The following PNPLA7 variants were observed in gnomAD, a reference collection of about 807,000 sequenced individuals.
PNPLA7 encodes the protein patatin like domain 7, lysophospholipase.
In PNPLA7, 153 loss-of-function variants were observed where a neutral mutation model predicts 161.7. That is an observed-to-expected ratio of 0.95 (90% CI 0.83 to 1.08). The LOEUF (loss-of-function observed/expected upper bound fraction) is 1.08. Among genes scored for constraint, PNPLA7 ranks in the 50% least tolerant of loss-of-function variants. The probability of loss-of-function intolerance (pLI) is 0.00; values close to 1 mark genes in which losing one functional copy is unlikely to be tolerated. For synonymous variants in PNPLA7, 809 were observed against 782.1 expected, an observed-to-expected ratio of 1.03 and a Z score of -0.57; for missense variants, 1,739 against 1,856.6, an observed-to-expected ratio of 0.94 and a Z score of 1.16.
intron 22 of PNPLA7, 186 bp from the exon 23 acceptor site, chr9:137,480,666 G>A: frequency 1.3e-6 from 1 of 762,580 alleles, no homozygotes; most frequent in South Asian, 1.9e-5. Context: ...CGCAGAGGCT[G>A]CAGTTAAGCC....
intron 20 of PNPLA7, among the ~76,000 whole-genome samples, chr9:137,485,156 G>GC (rs1442771957): frequency 2.0e-5 from 3 of 152,248 alleles, no homozygotes; most frequent in South Asian, 4.1e-4. Flanking sequence ...GCGTCCCCAG[G>GC]CCCCACACAG....
Position 137,547,791 on chromosome 9 carries a change from C to G in PNPLA7, c.31-132G>C, listed in dbSNP as rs1836621317. On this transcript the variant is annotated intron_variant, in intron 1 of 34. Coordinates refer to ENST00000406427, the MANE Select transcript of PNPLA7 (RefSeq NM_001098537.3). The surrounding 1 kb of genome is among the most constrained non-coding windows in gnomAD (Gnocchi z 4.6). ...CTGGAGACTTCTGGGAAGAAGTGATCTCGCCCGGGGTGCCGGGGTCCTCTG... is the reference window on the plus strand; with the variant it reads ...CTGGAGACTTCTGGGAAGAAGTGATGTCGCCCGGGGTGCCGGGGTCCTCTG... 1 of 876,338 alleles carries G rather than the reference C, an allele frequency of 1.1e-6. No individual in the cohort carries two copies. The highest frequency in any genetic ancestry group is 1.5e-5 in the South Asian group (1 of 65,964). 54.3% of individuals were successfully genotyped at this position (876,338 alleles called of 1,614,324 possible).
rs1434059234 is a variant in PNPLA7, at chr9:137,490,843, T to C, written c.2197+2170A>G. On this transcript the variant is annotated intron_variant, in intron 20 of 34. Coordinates refer to ENST00000406427, the MANE Select transcript of PNPLA7 (RefSeq NM_001098537.3). This position sits in a 1 kb window ranked among gnomAD's most constrained non-coding sequence, Gnocchi z 4.1. ...AGTTGTAGCCCTGTGTTTTTGGGGC[T>C]ACAGTTTGACAAAATTACAGAGGTA... is the stretch of plus-strand genomic sequence containing the variant. Among the ~76,000 whole-genome samples the C allele has an allele frequency of 6.6e-6, 1 of 152,188 alleles. No individual in the cohort carries two copies. The highest frequency in any genetic ancestry group is 1.5e-5 in the Non-Finnish European group (1 of 68,030).
At chr9:137,502,559 A>C (rs1391336816) in intron 14 of PNPLA7, among the ~76,000 whole-genome samples, 1 of 144,134 alleles carries the variant, frequency 6.9e-6, no homozygotes, top group Non-Finnish European at 1.5e-5. Flanking sequence ...CCGCTGACGG[A>C]GAGGCCGCAT....
intron 8 of PNPLA7, among the ~76,000 whole-genome samples, chr9:137,528,830 A>AGCTG (rs1835431782): frequency 6.7e-6 from 1 of 149,966 alleles, no homozygotes; most frequent in African/African-American, 2.5e-5. Context: ...CCTCCACAGT[A>AGCTG]GCTGGGACTA....
rs1211910591 is a variant in PNPLA7, at chr9:137,486,539, A to C, written c.2198-1803T>G. On this transcript the variant is annotated intron_variant, in intron 20 of 34. Coordinates refer to ENST00000406427, the MANE Select transcript of PNPLA7 (RefSeq NM_001098537.3). The surrounding 1 kb of genome is among the most constrained non-coding windows in gnomAD (Gnocchi z 6.0). The stretch of plus-strand genomic sequence containing the variant: ...GTATGCAGGCAGAAACAGATAAATG[A>C]TGCTGCCCATCCCACATCCCGAATG... Among the ~76,000 whole-genome samples the C allele has an allele frequency of 3.3e-5, 5 of 152,112 alleles. No homozygotes were observed. The highest frequency in any genetic ancestry group is 7.4e-5 in the Non-Finnish European group (5 of 68,010).
chr9:137,508,394 C>T (rs181571115), intron 12 of PNPLA7, among the ~76,000 whole-genome samples: 6 of 150,818 alleles, frequency 4.0e-5, no homozygotes, highest in Admixed American at 6.6e-5. Flanking sequence ...GGTGAAACCC[C>T]GTCTCTACTA....
intron 25 of PNPLA7, among the ~76,000 whole-genome samples, chr9:137,469,428 A>G (rs934923457): frequency 2.6e-5 from 4 of 152,270 alleles, no homozygotes; most frequent in African/African-American, 9.6e-5. Context: ...GACAGACATC[A>G]GGCCTCAGAA....
At chr9:137,497,882 G>A (rs4962234) in intron 17 of PNPLA7, among the ~76,000 whole-genome samples, 68,601 of 151,824 alleles carry the variant, frequency 0.45, 16,481 homozygotes, top group East Asian at 0.65. Flanking sequence ...ACGGAGAGAT[G>A]CTCATAGAAC....
chr9:137,467,120 C>CTA lies in PNPLA7; in HGVS notation c.3039+196_3039+197insTA, dbSNP rs1831514180. 2.6e-5 allele frequency among the ~76,000 whole-genome samples: 4 copies of CTA among 152,260 alleles called. No homozygotes were observed. The highest frequency in any genetic ancestry group is 4.4e-5 in the Non-Finnish European group (3 of 68,052). ...ACCTGGGCACAGATCAGACCGCCTCCCACCACCAACCTGCATCTGTGCCTT... is the reference window on the plus strand; with the variant it reads ...ACCTGGGCACAGATCAGACCGCCTCCTACACCACCAACCTGCATCTGTGCCTT... On this transcript the variant is annotated intron_variant, in intron 26 of 34. Transcript: ENST00000406427. The surrounding 1 kb of genome is among the most constrained non-coding windows in gnomAD (Gnocchi z 5.1).
chr9:137,480,353 G>C lies in PNPLA7; in HGVS notation c.2539C>G (p.Leu847Val). Residue 847 changes from leucine (L) to valine (V), a missense_variant, in exon 23 of 35, where the codon CTC becomes GTC. By Grantham distance (32) the Leu-to-Val change is conservative. Around this residue, in one of 6 missense-constraint regions of PNPLA7, gnomAD observed 192 missense variants for 249.5 expected, o/e 0.77. Coordinates refer to ENST00000406427, the MANE Select transcript of PNPLA7 (RefSeq NM_001098537.3). ...QRCVRQADCI[L>V]IVGLGDQEPT... Reference sequence around the variant, plus strand: ...TCCTGGTCACCCAGGCCCACGATGAGGATGCAGTCGGCCTGGCGCACGCAG... The same window carrying C: ...TCCTGGTCACCCAGGCCCACGATGACGATGCAGTCGGCCTGGCGCACGCAG... 1 of 1,613,452 alleles carries C rather than the reference G, an allele frequency of 6.2e-7. No homozygotes were observed. Among genetic ancestry groups the C allele is most frequent in the Non-Finnish European group, 8.5e-7 (1 of 1,179,954 alleles).
At chr9:137,521,780 C>T in intron 9 of PNPLA7, 64 bp from the exon 10 acceptor site, 4 of 1,436,528 alleles carry the variant, frequency 2.8e-6, no homozygotes, top group African/African-American at 1.4e-5. Flanking sequence ...CCCCCGGCAG[C>T]ACCACACAGA....
rs1836265762 is a variant in PNPLA7, at chr9:137,542,618, C to A, written c.666+24G>T. ...GAGGTAAATGCGCAGCCGCCTGACC[C>A]CGCCCCGCCGCCCTGCGACTCACAG... On this transcript the variant is annotated intron_variant, in intron 7 of 34. Coordinates refer to ENST00000406427, the MANE Select transcript of PNPLA7 (RefSeq NM_001098537.3). The A allele has an allele frequency of 2.6e-6, 4 of 1,558,880 alleles. No homozygotes were observed. The South Asian group carries it at 4.6e-5, about 18-fold the overall frequency.
In PNPLA7 at chr9:137,500,278, T is replaced by C. The variant is rs939044529; in HGVS notation, c.1757+413A>G. On this transcript the variant is annotated intron_variant, in intron 16 of 34. Transcript: ENST00000406427. This position sits in a 1 kb window ranked among gnomAD's most constrained non-coding sequence, Gnocchi z 5.5. ...CCTTGCCCTTCCACCTCCGCATCACTGGCTCCCGACACGTCAGCCCAGGCT... is the reference window on the plus strand; with the variant it reads ...CCTTGCCCTTCCACCTCCGCATCACCGGCTCCCGACACGTCAGCCCAGGCT... 2.6e-5 allele frequency among the ~76,000 whole-genome samples: 4 copies of C among 152,210 alleles called. No individual in the cohort carries two copies. The highest frequency in any genetic ancestry group is 2.9e-5 in the Non-Finnish European group (2 of 68,034).
rs534096945 is a variant in PNPLA7, at chr9:137,479,950, C to T, written c.2580+362G>A. 5.9e-5 allele frequency: 56 copies of T among 945,936 alleles called. No homozygotes were observed. The African/African-American group carries it at 6.4e-4, about 11-fold the overall frequency. 58.6% of individuals were successfully genotyped at this position (945,936 alleles called of 1,614,324 possible). A position where few individuals can be genotyped will look rare whatever the true frequency, so the allele number is the denominator to read the frequency against. The stretch of plus-strand genomic sequence containing the variant: ...GAAAAAGCAGTGAGAGGAACAGGAA[C>T]GACGCCGACACCTAAGTGCTGTGGA... On this transcript the variant is annotated intron_variant, in intron 23 of 34. Transcript: ENST00000406427.
At position 137,522,788 on chromosome 9, in the gene PNPLA7, C is replaced by T. The variant is rs777851424; in HGVS notation, c.817G>A (p.Ala273Thr). ...AIPSTILRLP[A>T]AAFHGVFEKY... ...TCAAAAACTCCATGAAAAGCCGCAG[C>T]TGGAAGCCGGAGGATGGTGGACGGG... Residue 273 changes from alanine (A) to threonine (T), a missense_variant, in exon 9 of 35, where the codon GCT (alanine) becomes ACT (threonine). By Grantham distance (58) the Ala-to-Thr change is moderately conservative (BLOSUM62 0). Coordinates refer to ENST00000406427, the MANE Select transcript of PNPLA7 (RefSeq NM_001098537.3). The T allele has an allele frequency of 5.8e-5, 93 of 1,613,738 alleles. 1 individual carries two copies. In the South Asian group the frequency reaches 9.9e-4, roughly 17 times the overall value.
chr9:137,472,893 T>G (rs1442910154), intron 25 of PNPLA7, among the ~76,000 whole-genome samples: 5 of 151,048 alleles, frequency 3.3e-5, no homozygotes, highest in Admixed American at 3.3e-4. Flanking sequence ...AGGTGGAGGT[T>G]GCAGTGAGCC....
intron 21 of PNPLA7, among the ~76,000 whole-genome samples, chr9:137,482,446 C>T (rs571975837): frequency 5.9e-5 from 9 of 152,344 alleles, no homozygotes; most frequent in African/African-American, 2.2e-4. Flanking sequence ...AGGAACTTTG[C>T]GTGCACGTGA....
Position 137,461,859 on chromosome 9 carries a change from T to G in PNPLA7, c.3756+72A>C. ...AGGAGCTGGGCGTGGCCTGATGAAC[T>G]GGGCGTGGGCGTGGCCCGAAGAACT... On this transcript the variant is annotated intron_variant, in intron 32 of 34. Transcript: ENST00000406427. 2.1e-6 allele frequency: 3 copies of G among 1,429,862 alleles called. No individual in the cohort carries two copies. The South Asian group carries it at 4.1e-5, about 20-fold the overall frequency. 88.6% of individuals were successfully genotyped at this position (1,429,862 alleles called of 1,614,324 possible). A position where few individuals can be genotyped will look rare whatever the true frequency, so the allele number is the denominator to read the frequency against.
Sources: gnomAD v4.1 joint callset for allele counts (sites outside exome capture counted in the v4.1 genomes callset) on GRCh38, gnomAD v4.1.1 for gene constraint, gnomAD v4.1.1 regional missense constraint, Gnocchi (gnomAD v3.1) non-coding constraint, MANE v1.5 for transcripts, NCBI Gene and HGNC (gene_info 2026-07-23, HGNC 2026-07-21) for gene names.